Variants in STXBP5L observed in about 807,000 individuals in gnomAD.
The protein encoded by STXBP5L is syntaxin-binding protein 5-like.
In STXBP5L, 65 loss-of-function variants were observed where a neutral mutation model predicts 144.5. The ratio of observed to expected loss-of-function variants is 0.45; its 90% confidence interval spans 0.37 to 0.55. The LOEUF (loss-of-function observed/expected upper bound fraction) is 0.55, where lower values mean the gene tolerates loss of function less well. STXBP5L is among the 20% of genes least tolerant of loss of function. The pLI is 0.00. For synonymous variants in STXBP5L, 505 were observed against 469.6 expected, an observed-to-expected ratio of 1.08 and a Z score of -0.97; for missense variants, 1,298 against 1,405.5, an observed-to-expected ratio of 0.92 and a Z score of 1.22.
intron 19 of STXBP5L, among the ~76,000 whole-genome samples, chr3:121,308,712 T>C (rs940757087): frequency 1.3e-5 from 2 of 152,086 alleles, no homozygotes; most frequent in African/African-American, 4.8e-5. Flanking sequence ...TAAAAAATGG[T>C]AAATGGTAAA....
chr3:121,354,508 C>CTTTTTTTTTTTTTTTTTTTTTT (rs145703750), intron 20 of STXBP5L, among the ~76,000 whole-genome samples: 1 of 67,540 alleles, frequency 1.5e-5, no homozygotes, highest in African/African-American at 5.8e-5. Context: ...TGCAACCCTG[C>CTTTTTTTTTTTTTTTTTTTTTT]TTTTTTTTTT....
At chr3:121,339,699 A>G (rs1005319009) in intron 20 of STXBP5L, among the ~76,000 whole-genome samples, 1 of 152,166 alleles carries the variant, frequency 6.6e-6, no homozygotes, top group African/African-American at 2.4e-5. Context: ...TTGAGAAATG[A>G]ATTCAGTAAA....
At chr3:121,001,284 G>A (rs1472093804) in intron 3 of STXBP5L, among the ~76,000 whole-genome samples, 1 of 152,226 alleles carries the variant, frequency 6.6e-6, no homozygotes, top group Non-Finnish European at 1.5e-5. Context: ...GTAGCTACTT[G>A]GAAGTGCCCT....
intron 5 of STXBP5L, among the ~76,000 whole-genome samples, chr3:121,050,091 G>A (rs1358833846): frequency 2.0e-5 from 3 of 152,076 alleles, no homozygotes; most frequent in South Asian, 4.1e-4. Context: ...TGTTCACTGT[G>A]GGTGATGCTG....
chr3:121,283,372 A>G (rs1299507859), intron 19 of STXBP5L, among the ~76,000 whole-genome samples: 1 of 152,034 alleles, frequency 6.6e-6, no homozygotes. Context: ...ATTTTTGCTC[A>G]TAAATATTCT....
intron 7 of STXBP5L, among the ~76,000 whole-genome samples, chr3:121,131,081 A>G (rs1490099955): frequency 6.6e-6 from 1 of 152,132 alleles, no homozygotes; most frequent in Non-Finnish European, 1.5e-5. Flanking sequence ...TATGTTATAA[A>G]TTAATCAACA....
chr3:121,185,187 G>A (rs2047325260), intron 9 of STXBP5L, among the ~76,000 whole-genome samples: 1 of 152,090 alleles, frequency 6.6e-6, no homozygotes, highest in South Asian at 2.1e-4. Context: ...TTCTACAATT[G>A]TAGATATTAG....
At chr3:121,077,349 T>C (rs1315089915) in intron 5 of STXBP5L, among the ~76,000 whole-genome samples, 4 of 152,044 alleles carry the variant, frequency 2.6e-5, no homozygotes, top group African/African-American at 4.8e-5. Flanking sequence ...TCATGGTGAG[T>C]GTTAACAGTT....
chr3:120,961,299 A>G (rs1275714962), intron 3 of STXBP5L, among the ~76,000 whole-genome samples: 1 of 148,716 alleles, frequency 6.7e-6, no homozygotes, highest in African/African-American at 2.5e-5. Flanking sequence ...TTATACTTTA[A>G]GTTCTAGGGT....
At chr3:121,317,901 A>T (rs1247911668) in intron 19 of STXBP5L, among the ~76,000 whole-genome samples, 1 of 152,074 alleles carries the variant, frequency 6.6e-6, no homozygotes, top group African/African-American at 2.4e-5. Flanking sequence ...TAAAATTTAG[A>T]ATTTGTAGTT....
At chr3:121,049,913 T>G (rs1947827321) in intron 5 of STXBP5L, among the ~76,000 whole-genome samples, 1 of 152,138 alleles carries the variant, frequency 6.6e-6, no homozygotes, top group Admixed American at 6.6e-5. Context: ...AAGCCCTGGT[T>G]GCAGGGATCA....
At chr3:121,357,768 A>G (rs773015662) in intron 20 of STXBP5L, 2 of 152,192 alleles carry the variant, frequency 1.3e-5, no homozygotes, top group Non-Finnish European at 2.9e-5. Flanking sequence ...ACTTGATCTT[A>G]GTCTCCAAAC....
At chr3:120,994,543 G>T (rs1013289596) in intron 3 of STXBP5L, among the ~76,000 whole-genome samples, 2 of 151,966 alleles carry the variant, frequency 1.3e-5, no homozygotes, top group Non-Finnish European at 2.9e-5. Context: ...CTGTTTAGAT[G>T]ATCATATGAT....
chr3:121,123,263 G>A (rs2044551137), intron 7 of STXBP5L, among the ~76,000 whole-genome samples: 1 of 151,544 alleles, frequency 6.6e-6, no homozygotes, highest in South Asian at 2.1e-4. Flanking sequence ...ACCAGGATGA[G>A]CAATTAAGCA....
At position 121,310,836 on chromosome 3, in the gene STXBP5L, G is replaced by A. The variant is rs754763629; in HGVS notation, c.2111-7639G>A. 9.2e-4 allele frequency among the ~76,000 whole-genome samples: 140 copies of A among 151,958 alleles called. 1 individual carries two copies. Among genetic ancestry groups the A allele is most frequent in the Non-Finnish European group, 1.8e-3 (120 of 68,002 alleles). ...AAGCAGGAGAATCACTTGAAGCTGG[G>A]AGGTGAAGGTTGCAGTGAGCCAAGA... is the stretch of plus-strand genomic sequence containing the variant. On this transcript the variant is annotated intron_variant, in intron 19 of 26. Transcript: ENST00000471454.
At chr3:121,348,368 A>G (rs987811721) in intron 20 of STXBP5L, among the ~76,000 whole-genome samples, 1 of 152,136 alleles carries the variant, frequency 6.6e-6, no homozygotes, top group African/African-American at 2.4e-5. Context: ...CCAGTATTTT[A>G]TTGAGGATTT....
chr3:121,240,439 G>A lies in STXBP5L; in HGVS notation c.1333-1G>A. 1 of 1,613,162 alleles carries A rather than the reference G, an allele frequency of 6.2e-7. No homozygotes were observed. The highest frequency in any genetic ancestry group is 8.5e-7 in the Non-Finnish European group (1 of 1,179,492). On this transcript the variant is annotated splice_acceptor_variant, in intron 13 of 26. Transcript: ENST00000471454. LOFTEE classifies it high-confidence loss of function. Reference sequence around the variant, plus strand: ...ATATTCTTTCTGGATAATCTGTTTAGGAGTGGCCAATCAGTGGAGGAGCTT... The same window carrying A: ...ATATTCTTTCTGGATAATCTGTTTAAGAGTGGCCAATCAGTGGAGGAGCTT...
chr3:120,918,184 T>A (rs1709196241), intron 2 of STXBP5L, among the ~76,000 whole-genome samples: 1 of 152,218 alleles, frequency 6.6e-6, no homozygotes, highest in Non-Finnish European at 1.5e-5. Flanking sequence ...CCTTTTTTAA[T>A]ATTTAAGGAT....
intron 22 of STXBP5L, among the ~76,000 whole-genome samples, chr3:121,401,587 C>G (rs1405405209): frequency 7.2e-6 from 1 of 138,338 alleles, no homozygotes; most frequent in South Asian, 2.6e-4. Context: ...AGTTCATGTC[C>G]TTTGTAGGGA....
Sources: gnomAD v4.1 joint callset for allele counts (sites outside exome capture counted in the v4.1 genomes callset) on GRCh38, gnomAD v4.1.1 for gene constraint, MANE v1.5 for transcripts, NCBI Gene and HGNC (gene_info 2026-07-23, HGNC 2026-07-21) for gene names.